Variants in AGBL1 observed in about 807,000 individuals in gnomAD.
AGBL1 encodes AGBL carboxypeptidase 1, also known as cytosolic carboxypeptidase 4.
Under a neutral mutation model 118.9 loss-of-function variants are expected in AGBL1, and 130 were observed. That is an observed-to-expected ratio of 1.09 (90% confidence interval 0.95 to 1.26). The LOEUF (loss-of-function observed/expected upper bound fraction) is 1.26, where lower values mean the gene tolerates loss of function less well. AGBL1 is among the 50% of genes most tolerant of loss of function. The pLI is 0.00. For missense variants in AGBL1, 1,584 were observed against 1,298.1 expected (o/e 1.22, Z -3.38); for synonymous variants, 555 against 478.9 (o/e 1.16, Z -2.08).
chr15:86,541,616 A>AAAGAGAG (rs1555423985), intron 19 of AGBL1, among the ~76,000 whole-genome samples: 5 of 97,062 alleles, frequency 5.2e-5, no homozygotes, highest in African/African-American at 2.1e-4. Flanking sequence ...AAAAAAAAAA[A>AAAGAGAG]AGAGAGAGAG....
intron 22 of AGBL1, among the ~76,000 whole-genome samples, chr15:86,768,841 G>T (rs2078132373): frequency 1.3e-5 from 2 of 151,910 alleles, no homozygotes; most frequent in Admixed American, 1.3e-4. Flanking sequence ...AGGGCTTACA[G>T]GAATCTCTGA....
intron 5 of AGBL1, among the ~76,000 whole-genome samples, chr15:86,184,107 A>G (rs879175629): frequency 1.3e-5 from 2 of 152,252 alleles, no homozygotes; most frequent in African/African-American, 4.8e-5. Context: ...GTGATTTCCA[A>G]GAAATGCAAA....
At position 86,262,838 on chromosome 15, in the gene AGBL1, G is replaced by T; in HGVS notation, c.1030G>T (p.Glu344Ter). The change falls in exon 10 of 23, where the codon GAA becomes TAA. Residue 344 changes from glutamate (E) to a stop codon, truncating the protein, a stop_gained. Coordinates refer to ENST00000614907, the MANE Select transcript of AGBL1 (RefSeq NM_001386094.1). LOFTEE classifies it high-confidence loss of function. ...TTCCAAACCTGGTCTTGACCGACCT[G>T]AAGAGGAACTGATGCAATATGAGGT... ...LSSKPGLDRPEEELMQYEVMC... is the reference protein window; with the variant it reads ...LSSKPGLDRP 1 of 1,611,444 alleles carries T rather than the reference G, an allele frequency of 6.2e-7. No individual in the cohort carries two copies. Among genetic ancestry groups the T allele is most frequent in the Non-Finnish European group, 8.5e-7 (1 of 1,178,878 alleles).
chr15:86,951,677 T>C (rs1596668197), intron 23 of AGBL1, among the ~76,000 whole-genome samples: 1 of 152,198 alleles, frequency 6.6e-6, no homozygotes, highest in East Asian at 1.9e-4. Flanking sequence ...AAAGGGAAAC[T>C]TTTGGAATGC....
At chr15:86,298,422 T>G (rs1380465576) in intron 17 of AGBL1, among the ~76,000 whole-genome samples, 1 of 147,704 alleles carries the variant, frequency 6.8e-6, no homozygotes, top group Non-Finnish European at 1.5e-5. Context: ...TTGCTGTGTT[T>G]CTAAAAGAAG....
At chr15:86,435,350 A>G (rs944254056) in intron 18 of AGBL1, among the ~76,000 whole-genome samples, 2 of 152,218 alleles carry the variant, frequency 1.3e-5, no homozygotes, top group African/African-American at 4.8e-5. Flanking sequence ...AATTATGAAG[A>G]TATTCCACTA....
intron 23 of AGBL1, among the ~76,000 whole-genome samples, chr15:86,987,338 G>C (rs558473955): frequency 6.6e-6 from 1 of 152,124 alleles, no homozygotes; most frequent in African/African-American, 2.4e-5. Flanking sequence ...GTTGATTTTT[G>C]TACATTGTTT....
chr15:86,196,050 GATTTTTAGCATACTAAT>G (rs1410131506), intron 5 of AGBL1, among the ~76,000 whole-genome samples: 1 of 152,052 alleles, frequency 6.6e-6, no homozygotes, highest in Admixed American at 6.6e-5. Context: ...TAGGATATCT[GATTTTTAGCATACTAAT>G]ATATGTTGTA....
At chr15:86,255,316 C>T (rs1420517656) in intron 7 of AGBL1, among the ~76,000 whole-genome samples, 1 of 152,200 alleles carries the variant, frequency 6.6e-6, no homozygotes, top group African/African-American at 2.4e-5. Flanking sequence ...ATAGCTTCAA[C>T]TGTTCATTAG....
intron 23 of AGBL1, among the ~76,000 whole-genome samples, chr15:86,966,050 T>C (rs529726467): frequency 6.6e-6 from 1 of 152,088 alleles, no homozygotes; most frequent in Non-Finnish European, 1.5e-5. Flanking sequence ...TTATCTTAGG[T>C]AAATTGTTTT....
chr15:86,710,131 G>A (rs1039219651), intron 22 of AGBL1, among the ~76,000 whole-genome samples: 1 of 152,100 alleles, frequency 6.6e-6, no homozygotes, highest in Non-Finnish European at 1.5e-5. Flanking sequence ...ATCACTTTTT[G>A]TCGCACTCAT....
At chr15:86,819,747 C>G (rs989952447) in intron 22 of AGBL1, among the ~76,000 whole-genome samples, 11 of 152,052 alleles carry the variant, frequency 7.2e-5, no homozygotes, top group Non-Finnish European at 1.5e-4. Context: ...AATGCTATCC[C>G]CATCAACTAC....
chr15:86,355,632 A>G (rs1410553663), intron 17 of AGBL1, among the ~76,000 whole-genome samples: 1 of 152,226 alleles, frequency 6.6e-6, no homozygotes, highest in East Asian at 1.9e-4. Flanking sequence ...TCTAGTATAT[A>G]TACATGCAGA....
At chr15:86,093,021 T>C (rs1314517911) in intron 1 of AGBL1, among the ~76,000 whole-genome samples, 1 of 152,182 alleles carries the variant, frequency 6.6e-6, no homozygotes, top group East Asian at 1.9e-4. Context: ...ATTTACTGTT[T>C]TGGAAGGTGC....
Position 86,264,584 on chromosome 15 carries a change from T to A in AGBL1, c.1413T>A (p.Asp471Glu). The A allele has an allele frequency of 6.2e-7, 1 of 1,613,950 alleles. No homozygotes were observed. Among genetic ancestry groups the A allele is most frequent in the Non-Finnish European group, 8.5e-7 (1 of 1,179,864 alleles). Residue 471 changes from aspartate (D) to glutamate (E), a missense_variant, in exon 11 of 23, where the codon GAT (aspartate) becomes GAA (glutamate). Physicochemically the swap from Asp to Glu is conservative, Grantham distance 45. Transcript: ENST00000614907. ...CGAAAGCAGATGCCTGGGACGTAGA[T>A]GCAATTTTCTGCCCAAGGATGAGTG... ...ASPKADAWDV[D>E]AIFCPRMSAS...
chr15:86,453,336 C>A (rs2082218642), intron 18 of AGBL1, among the ~76,000 whole-genome samples: 1 of 152,132 alleles, frequency 6.6e-6, no homozygotes, highest in African/African-American at 2.4e-5. Context: ...AGACAGATAC[C>A]TAAATTAAAT....
At chr15:86,281,735 A>C (rs1275719248) in intron 16 of AGBL1, among the ~76,000 whole-genome samples, 1 of 152,178 alleles carries the variant, frequency 6.6e-6, no homozygotes, top group African/African-American at 2.4e-5. Context: ...CCCCTGTAGA[A>C]AAGTGTAGAA....
At chr15:86,140,402 T>C (rs1342472673) in intron 1 of AGBL1, among the ~76,000 whole-genome samples, 1 of 152,114 alleles carries the variant, frequency 6.6e-6, no homozygotes, top group Non-Finnish European at 1.5e-5. Context: ...GGGGATGTTG[T>C]TGGACTTCAT....
intron 3 of AGBL1, among the ~76,000 whole-genome samples, chr15:86,153,972 T>C (rs2077153253): frequency 6.6e-6 from 1 of 152,160 alleles, no homozygotes; most frequent in South Asian, 2.1e-4. Context: ...CGTGTGTAAT[T>C]TATATTCATT....
Sources: gnomAD v4.1 joint callset for allele counts (sites outside exome capture counted in the v4.1 genomes callset) on GRCh38, gnomAD v4.1.1 for gene constraint, MANE v1.5 for transcripts, NCBI Gene and HGNC (gene_info 2026-07-23, HGNC 2026-07-21) for gene names.